CDH8: variants seen among roughly 807,000 people sequenced by gnomAD.
CDH8 encodes the protein cadherin-8.
CDH8 carries 17 observed loss-of-function variants against 68.1 expected under a neutral mutation model. The observed-to-expected ratio is 0.25, with a 90% CI of 0.17 to 0.37. The LOEUF is 0.37. Among genes scored for constraint, CDH8 ranks in the 10% least tolerant of loss-of-function variants. The pLI, the probability that CDH8 is intolerant of heterozygous loss-of-function variation, is 1.00. For synonymous variants in CDH8, 372 were observed against 365.1 expected (o/e 1.02, Z -0.21); for missense variants, 763 against 999.3 (o/e 0.76, Z 3.19).
chr16:61,808,110 C>A (rs1198255052), intron 7 of CDH8, among the ~76,000 whole-genome samples: 1 of 152,050 alleles, frequency 6.6e-6, no homozygotes, highest in Non-Finnish European at 1.5e-5. Flanking sequence ...TGCTGAAAAC[C>A]TAGTGTCATA....
In CDH8 at chr16:61,875,994, A is replaced by G. The variant is rs368866940; in HGVS notation, c.548-18756T>C. On this transcript the variant is annotated intron_variant, in intron 3 of 11. Coordinates refer to ENST00000577390, the MANE Select transcript of CDH8 (RefSeq NM_001796.5). ...CATGTTCAAGCAATTCTCCTGCCTC[A>G]GCCTCCTGAGCAGTGGAGACTACAG... 2.6e-5 allele frequency among the ~76,000 whole-genome samples: 4 copies of G among 152,206 alleles called. No homozygotes were observed. The East Asian group carries it at 7.8e-4, about 30-fold the overall frequency.
chr16:61,740,584 C>A (rs983589178), intron 8 of CDH8, among the ~76,000 whole-genome samples: 1 of 152,138 alleles, frequency 6.6e-6, no homozygotes, highest in East Asian at 1.9e-4. Context: ...AAGATAACCT[C>A]TACTTGGTTT....
intron 2 of CDH8, among the ~76,000 whole-genome samples, chr16:61,994,338 A>C (rs1170837239): frequency 6.6e-6 from 1 of 152,140 alleles, no homozygotes; most frequent in Non-Finnish European, 1.5e-5. Flanking sequence ...TACTACCATT[A>C]AGTCTGCACA....
intron 8 of CDH8, among the ~76,000 whole-genome samples, chr16:61,763,675 T>G (rs1241850430): frequency 1.3e-5 from 2 of 152,156 alleles, no homozygotes; most frequent in Non-Finnish European, 2.9e-5. Flanking sequence ...ATCATTTTTA[T>G]ATCTAGGGTT....
chr16:61,896,523 G>C (rs1963870994), intron 3 of CDH8, among the ~76,000 whole-genome samples: 1 of 152,200 alleles, frequency 6.6e-6, no homozygotes, highest in African/African-American at 2.4e-5. Context: ...AGGAAGGAGG[G>C]GAGGGAAGAG....
chr16:61,887,941 C>T (rs1034625371), intron 3 of CDH8, among the ~76,000 whole-genome samples: 1 of 152,162 alleles, frequency 6.6e-6, no homozygotes, highest in African/African-American at 2.4e-5. Flanking sequence ...TCTGCTGTGG[C>T]TTCATTCTCT....
At chr16:61,852,902 C>T (rs1215589687) in intron 4 of CDH8, among the ~76,000 whole-genome samples, 1 of 147,976 alleles carries the variant, frequency 6.8e-6, no homozygotes, top group Non-Finnish European at 1.5e-5. Context: ...TCCATTCTTC[C>T]TTCCTTCCTT....
At chr16:61,981,672 G>A (rs558187814) in intron 2 of CDH8, among the ~76,000 whole-genome samples, 111 of 151,964 alleles carry the variant, frequency 7.3e-4, no homozygotes, top group Middle Eastern at 6.8e-3. Context: ...GTGTGTGTGT[G>A]TGTGTGTGTG....
intron 8 of CDH8, among the ~76,000 whole-genome samples, chr16:61,770,032 T>C (rs190043068): frequency 3.8e-4 from 58 of 152,000 alleles, no homozygotes; most frequent in African/African-American, 1.2e-3. Context: ...AGTTCAGGCT[T>C]TGACATCAAA....
chr16:61,926,153 G>T (rs947715093), intron 2 of CDH8, among the ~76,000 whole-genome samples: 1 of 31,726 alleles, frequency 3.2e-5, no homozygotes, highest in African/African-American at 2.5e-4. Flanking sequence ...CTCAGAAGGG[G>T]TGTGTGTGTG....
chr16:61,907,096 T>C (rs1412144431), intron 2 of CDH8, among the ~76,000 whole-genome samples: 1 of 152,168 alleles, frequency 6.6e-6, no homozygotes, highest in African/African-American at 2.4e-5. Flanking sequence ...TACTTTTTCA[T>C]CCTCTTACAC....
intron 3 of CDH8, among the ~76,000 whole-genome samples, chr16:61,895,555 C>T: frequency 6.6e-6 from 1 of 152,086 alleles, no homozygotes; most frequent in East Asian, 1.9e-4. Context: ...ACTAAGAATA[C>T]CCCAAGTGTC....
intron 2 of CDH8, among the ~76,000 whole-genome samples, chr16:61,911,439 C>T (rs934080251): frequency 2.6e-5 from 4 of 152,068 alleles, no homozygotes; most frequent in East Asian, 1.9e-4. Flanking sequence ...CAGTGTCTAT[C>T]GCGAAAGATA....
At chr16:61,899,406 TA>T (rs1567519378) in intron 3 of CDH8, among the ~76,000 whole-genome samples, 6 of 152,046 alleles carry the variant, frequency 3.9e-5, no homozygotes, top group African/African-American at 1.4e-4. Context: ...GGGCAAGGCA[TA>T]TGATTTTACG....
At chr16:61,675,809 T>C (rs1963896212) in intron 10 of CDH8, among the ~76,000 whole-genome samples, 1 of 151,250 alleles carries the variant, frequency 6.6e-6, no homozygotes, top group Non-Finnish European at 1.5e-5. Context: ...CATTGCTGTG[T>C]GAAGTAGTAT....
At chr16:61,903,414 G>T (rs975887186) in intron 2 of CDH8, among the ~76,000 whole-genome samples, 3 of 152,282 alleles carry the variant, frequency 2.0e-5, no homozygotes, top group African/African-American at 7.2e-5. Context: ...AGCTCCGCCT[G>T]CCGGGTTGAC....
At chr16:61,780,765 A>T (rs1961029415) in intron 8 of CDH8, among the ~76,000 whole-genome samples, 1 of 152,218 alleles carries the variant, frequency 6.6e-6, no homozygotes, top group African/African-American at 2.4e-5. Context: ...CAAGTTTCTA[A>T]GCTATGTTCA....
chr16:61,739,867 A>T (rs1240252441), intron 8 of CDH8, among the ~76,000 whole-genome samples: 1 of 141,746 alleles, frequency 7.1e-6, no homozygotes, highest in Admixed American at 7.2e-5. Context: ...TTAATATAGC[A>T]TTTGTACAAC....
intron 3 of CDH8, among the ~76,000 whole-genome samples, chr16:61,874,716 T>C (rs1000058673): frequency 2.6e-5 from 4 of 152,208 alleles, no homozygotes; most frequent in Middle Eastern, 3.2e-3. Context: ...CAATTGAGAA[T>C]ATTATCTCAC....
Sources: allele counts gnomAD v4.1 joint callset (sites outside exome capture counted in the v4.1 genomes callset), GRCh38; gene constraint gnomAD v4.1.1; transcripts MANE v1.5; gene names NCBI Gene and HGNC (gene_info 2026-07-23, HGNC 2026-07-21).